RECK: variants seen among roughly 807,000 people sequenced by gnomAD.
RECK encodes reversion inducing cysteine rich protein with kazal motifs.
RECK carries 69 observed loss-of-function variants against 115.1 expected under a neutral mutation model. The ratio of observed to expected loss-of-function variants is 0.60; its 90% confidence interval spans 0.49 to 0.73. The LOEUF (loss-of-function observed/expected upper bound fraction) is 0.73, where lower values mean the gene tolerates loss of function less well. Ranked by LOEUF, RECK falls within the 30% of genes least tolerant of loss-of-function variation. The pLI, the probability that RECK is intolerant of heterozygous loss-of-function variation, is 0.00. For synonymous variants in RECK, 414 were observed against 419.7 expected, an observed-to-expected ratio of 0.99 and a Z score of 0.17; for missense variants, 1,047 against 1,203.7, an observed-to-expected ratio of 0.87 and a Z score of 1.93.
At chr9:36,121,436 C>G (rs992306116) in intron 19 of RECK, 97 bp from the exon 20 acceptor site, 3 of 1,213,448 alleles carry the variant, frequency 2.5e-6, no homozygotes, top group Non-Finnish European at 3.5e-6. Flanking sequence ...GCTGTGCGGT[C>G]AAAAGAGCCT....
chr9:36,039,041 C>T (rs1230799991), intron 1 of RECK, among the ~76,000 whole-genome samples: 1 of 152,102 alleles, frequency 6.6e-6, no homozygotes, highest in Non-Finnish European at 1.5e-5. Context: ...CTTGTTTGCT[C>T]ATAAAATTCT....
At chr9:36,117,905 G>A (rs1226833636) in intron 17 of RECK, among the ~76,000 whole-genome samples, 1 of 152,032 alleles carries the variant, frequency 6.6e-6, no homozygotes, top group Non-Finnish European at 1.5e-5. Context: ...GCTTGAACCC[G>A]GGAGGCGGAA....
intron 11 of RECK, among the ~76,000 whole-genome samples, chr9:36,101,497 C>G (rs1221391659): frequency 6.6e-6 from 1 of 152,130 alleles, no homozygotes; most frequent in Non-Finnish European, 1.5e-5. Context: ...CCAGTCTATT[C>G]TCTGACATGG....
chr9:36,080,606 A>T lies in RECK; in HGVS notation c.407A>T (p.Asn136Ile). 6.2e-7 allele frequency: 1 copy of T among 1,607,526 alleles called. No homozygotes were observed. Among genetic ancestry groups the T allele is most frequent in the Non-Finnish European group, 8.5e-7 (1 of 1,176,006 alleles). Residue 136 changes from asparagine to isoleucine, a missense_variant and splice_region_variant, in exon 7 of 21, where the codon AAT becomes ATT. Coordinates refer to ENST00000377966, the MANE Select transcript of RECK (RefSeq NM_021111.3). Reference protein sequence around the residue: ...ISKVCRKEYENALFSCISRNE... With the variant: ...ISKVCRKEYEIALFSCISRNE... ...TATTTGTTTTTCTTCAATTTACAGA[A>T]TGCTCTTTTCAGTTGCATTAGCAGA...
At chr9:36,086,551 C>G (rs113120175) in intron 8 of RECK, among the ~76,000 whole-genome samples, 3,798 of 152,302 alleles carry the variant, frequency 0.025, 169 homozygotes, top group African/African-American at 0.087. Context: ...AAAACTTCCA[C>G]AGCATGGAAA....
chr9:36,075,901 A>T (rs933287720), intron 6 of RECK, among the ~76,000 whole-genome samples: 2 of 150,186 alleles, frequency 1.3e-5, no homozygotes, highest in Admixed American at 1.3e-4. Flanking sequence ...TCAAACCTGT[A>T]ATTTTTTTTT....
At chr9:36,097,341 A>G (rs1285686885) in intron 10 of RECK, among the ~76,000 whole-genome samples, 1 of 151,858 alleles carries the variant, frequency 6.6e-6, no homozygotes, top group Non-Finnish European at 1.5e-5. Context: ...AAAAAAAAAA[A>G]AAAGAAAAAA....
chr9:36,054,070 GGAGAAGT>G (rs1462951148), intron 2 of RECK, among the ~76,000 whole-genome samples: 1 of 152,132 alleles, frequency 6.6e-6, no homozygotes, highest in Non-Finnish European at 1.5e-5. Context: ...CCTGATCATG[GGAGAAGT>G]GTATCAGGGG....
Position 36,037,006 on chromosome 9 carries a change from C to T in RECK, c.8C>T (p.Thr3Ile). 7.0e-7 allele frequency: 1 copy of T among 1,428,584 alleles called. No individual in the cohort carries two copies. The highest frequency in any genetic ancestry group is 9.2e-7 in the Non-Finnish European group (1 of 1,088,452). 88.5% of individuals were successfully genotyped at this position (1,428,584 alleles called of 1,614,324 possible). A position where few individuals can be genotyped will look rare whatever the true frequency, so the allele number is the denominator to read the frequency against. Residue 3 changes from threonine (T) to isoleucine (I), a missense_variant, in exon 1 of 21, where the codon ACC becomes ATC. Transcript: ENST00000377966. Reference protein sequence around the residue: MATVRASLRGALL... With the variant: MAIVRASLRGALL... The stretch of plus-strand genomic sequence containing the variant: ...GAGCCGCCCGGCCCGGACATGGCGA[C>T]CGTCCGGGCCTCTCTGCGAGGTGCG...
At position 36,048,126 on chromosome 9, in the gene RECK, AATATATATAT is replaced by A. The variant is rs56726335; in HGVS notation, c.101-4114_101-4105del. On this transcript the variant is annotated intron_variant, in intron 1 of 20. Coordinates refer to ENST00000377966, the MANE Select transcript of RECK (RefSeq NM_021111.3). ...TACACACGCACAGACACACAGGTTG[AATATATATAT>A]ATATATATATATATATATATATATG... 4.5e-3 allele frequency among the ~76,000 whole-genome samples: 521 copies of A among 115,374 alleles called. 7 individuals carry two copies. Among genetic ancestry groups the A allele is most frequent in the East Asian group, 0.023 (75 of 3,230 alleles). 75.7% of individuals were successfully genotyped at this position (115,374 alleles called of 152,430 possible). A position where few individuals can be genotyped will look rare whatever the true frequency, so the allele number is the denominator to read the frequency against.
chr9:36,115,237 C>T (rs1824214141), intron 16 of RECK, among the ~76,000 whole-genome samples: 1 of 151,984 alleles, frequency 6.6e-6, no homozygotes, highest in South Asian at 2.1e-4. Context: ...CTCTCTTGAA[C>T]CCGGGAAGCA....
At chr9:36,104,342 T>A (rs1291601681) in intron 12 of RECK, among the ~76,000 whole-genome samples, 3 of 69,526 alleles carry the variant, frequency 4.3e-5, no homozygotes, top group South Asian at 7.7e-4. Flanking sequence ...TTTTTTTTTT[T>A]TTTTTTTTTT....
At chr9:36,057,449 C>T (rs930531409) in intron 2 of RECK, among the ~76,000 whole-genome samples, 2 of 152,122 alleles carry the variant, frequency 1.3e-5, no homozygotes, top group Non-Finnish European at 2.9e-5. Context: ...ACTTTTCTTG[C>T]TTATTTGCGA....
intron 15 of RECK, among the ~76,000 whole-genome samples, chr9:36,111,834 G>A (rs1382718198): frequency 6.6e-6 from 1 of 151,836 alleles, no homozygotes; most frequent in Non-Finnish European, 1.5e-5. Context: ...TGTTAATAGG[G>A]GTCTCTACCT....
rs1222358524 is a variant in RECK at position 36,123,532 on chromosome 9, T to C, written c.*487T>C. On this transcript the variant is annotated 3_prime_UTR_variant, in exon 21 of 21. Transcript: ENST00000377966. ...GAAGAGCCACTGCCATTAAAGAATATGAAACATAGATAAAACATCTTTGAA... is the reference window on the plus strand; with the variant it reads ...GAAGAGCCACTGCCATTAAAGAATACGAAACATAGATAAAACATCTTTGAA... The C allele has an allele frequency of 6.6e-6, 1 of 152,646 alleles. No individual in the cohort carries two copies. Among genetic ancestry groups the C allele is most frequent in the Non-Finnish European group, 1.5e-5 (1 of 68,366 alleles). The allele number at this position is 152,646 out of a possible 1,614,324, so 9.5% of individuals were successfully genotyped here.
chr9:36,097,930 A>G (rs1262096688), intron 10 of RECK, among the ~76,000 whole-genome samples: 10 of 152,246 alleles, frequency 6.6e-5, no homozygotes, highest in Admixed American at 6.5e-4. Context: ...AGGCACAGAA[A>G]GACAAATACT....
At chr9:36,082,152 T>TTCTCTCTCTCTCTTTC (rs373078886) in intron 7 of RECK, among the ~76,000 whole-genome samples, 15 of 113,650 alleles carry the variant, frequency 1.3e-4, no homozygotes, top group African/African-American at 4.8e-4. Flanking sequence ...CCTCCCTGCT[T>TTCTCTCTCTCTCTTTC]TCTCTCTCTC....
In RECK at chr9:36,065,228, T is replaced by TAAAAAA. The variant is rs561725701; in HGVS notation, c.358-327_358-322dup. Among the ~76,000 whole-genome samples, 264 of 50,542 alleles carry TAAAAAA rather than the reference T, an allele frequency of 5.2e-3. 20 individuals are homozygous for TAAAAAA. The highest frequency in any genetic ancestry group is 0.021 in the Middle Eastern group (1 of 48). 33.2% of individuals were successfully genotyped at this position (50,542 alleles called of 152,430 possible). A position where few individuals can be genotyped will look rare whatever the true frequency, so the allele number is the denominator to read the frequency against. The stretch of plus-strand genomic sequence containing the variant: ...AATTTGCTACAGAGTGGAATTCAGC[T>TAAAAAA]AAAAAAAAAAAAAAAAAAAAAAAAA... On this transcript the variant is annotated intron_variant, in intron 5 of 20. Transcript: ENST00000377966.
chr9:36,062,703 C>T (rs1279487502), intron 4 of RECK, among the ~76,000 whole-genome samples: 1 of 151,894 alleles, frequency 6.6e-6, no homozygotes, highest in Non-Finnish European at 1.5e-5. Flanking sequence ...GTCTTGATCT[C>T]ATGACCTCAA....
Sources: allele counts gnomAD v4.1 joint callset (sites outside exome capture counted in the v4.1 genomes callset), GRCh38; gene constraint gnomAD v4.1.1; transcripts MANE v1.5; gene names NCBI Gene and HGNC (gene_info 2026-07-23, HGNC 2026-07-21).